The following GLYATL2 variants were observed in gnomAD, a reference collection of about 807,000 sequenced individuals.
GLYATL2 encodes the protein glycine N-acyltransferase-like protein 2.
Under a neutral mutation model 21.4 loss-of-function variants are expected in GLYATL2, and 25 were observed. The observed-to-expected ratio is 1.17, with a 90% CI of 0.85 to 1.63. The LOEUF (loss-of-function observed/expected upper bound fraction) is 1.63. Among genes scored for constraint, GLYATL2 ranks in the 40% most tolerant of loss-of-function variants. The pLI is 0.00. For missense variants in GLYATL2, 361 were observed against 343.3 expected (o/e 1.05, Z -0.41); for synonymous variants, 114 against 118.2 (o/e 0.96, Z 0.23).
At chr11:58,872,844 G>GCA (rs1854150870) in intron 1 of GLYATL2, among the ~76,000 whole-genome samples, 1 of 152,146 alleles carries the variant, frequency 6.6e-6, no homozygotes, top group African/African-American at 2.4e-5. Context: ...AGCTTGATAG[G>GCA]GATGGCATTG....
chr11:58,905,196 C>G (rs1482013697), upstream of GLYATL2, among the ~76,000 whole-genome samples: 2 of 152,248 alleles, frequency 1.3e-5, no homozygotes, highest in East Asian at 3.8e-4. Flanking sequence ...CAGTGCTGGC[C>G]CCTTCCTCGT....
Position 58,837,169 on chromosome 11 carries a change from C to A in GLYATL2, c.322G>T (p.Glu108Ter). The A allele has an allele frequency of 3.1e-6, 5 of 1,613,594 alleles. No homozygotes were observed. ...TTTCTTATTGCTTCATCCAAGCCCTCTTGGCAACCTGGAGAAAGGAGAAAG... is the reference window on the plus strand; with the variant it reads ...TTTCTTATTGCTTCATCCAAGCCCTATTGGCAACCTGGAGAAAGGAGAAAG... ...EQTLQIQGCQ[E>*]GLDEAIRKVA... The change falls in exon 5 of 6, where the codon GAG becomes TAG. Residue 108 changes from glutamate (E) to a stop codon, truncating the protein, a stop_gained. Transcript: ENST00000287275. LOFTEE classifies it high-confidence loss of function.
intron 1 of GLYATL2, among the ~76,000 whole-genome samples, chr11:58,875,452 G>A (rs1401732815): frequency 6.6e-6 from 1 of 152,124 alleles, no homozygotes; most frequent in Non-Finnish European, 1.5e-5. Context: ...CATGTTTAGT[G>A]CTTCCTTCAG....
intron 1 of GLYATL2, among the ~76,000 whole-genome samples, chr11:58,869,926 C>T (rs1026144715): frequency 4.6e-5 from 7 of 152,024 alleles, no homozygotes; most frequent in South Asian, 2.1e-4. Context: ...CAAAGACCCC[C>T]GCCTGCATCT....
At chr11:58,852,043 C>A (rs1853751252) in intron 1 of GLYATL2, among the ~76,000 whole-genome samples, 1 of 151,758 alleles carries the variant, frequency 6.6e-6, no homozygotes, top group Non-Finnish European at 1.5e-5. Context: ...AATTTTAATT[C>A]TTTGAATGGA....
At chr11:58,858,593 C>G (rs1404427303) in intron 1 of GLYATL2, among the ~76,000 whole-genome samples, 2 of 152,036 alleles carry the variant, frequency 1.3e-5, no homozygotes, top group African/African-American at 2.4e-5. Flanking sequence ...CAAGAATTCT[C>G]TAGTGATCTG....
intron 1 of GLYATL2, among the ~76,000 whole-genome samples, chr11:58,853,176 T>A (rs1853770851): frequency 6.6e-6 from 1 of 152,190 alleles, no homozygotes; most frequent in African/African-American, 2.4e-5. Flanking sequence ...CCCAAGATTG[T>A]TTGAAGGATT....
rs137869840 is a variant in GLYATL2 at position 58,872,829 on chromosome 11, T to C, written n.60+31327A>G. On this transcript the variant is annotated intron_variant and non_coding_transcript_variant, in intron 1 of 4. Transcript: ENST00000533636. The stretch of plus-strand genomic sequence containing the variant: ...TTTTCCAATTCTGTGAAGAAAGTCA[T>C]TGGTAGCTTGATAGGGATGGCATTG... Among the ~76,000 whole-genome samples the C allele has an allele frequency of 7.1e-3, 1,087 of 152,330 alleles. 26 individuals carry two copies. The highest frequency in any genetic ancestry group is 0.025 in the African/African-American group (1,029 of 41,580).
intron 1 of GLYATL2, among the ~76,000 whole-genome samples, chr11:58,855,605 T>C (rs1379221199): frequency 6.6e-6 from 1 of 152,234 alleles, no homozygotes; most frequent in Non-Finnish European, 1.5e-5. Context: ...TAAACTCTAA[T>C]GAGAAAGTCA....
chr11:58,834,863 T>C (rs1853400480), intron 5 of GLYATL2, 26 bp from the exon 6 acceptor site: 2 of 1,518,346 alleles, frequency 1.3e-6, no homozygotes, highest in East Asian at 4.5e-5. Context: ...ATTTTACATT[T>C]ATTCAGCCAA....
intron 1 of GLYATL2, among the ~76,000 whole-genome samples, chr11:58,883,610 G>C (rs1017921421): frequency 6.6e-6 from 1 of 152,136 alleles, no homozygotes; most frequent in African/African-American, 2.4e-5. Context: ...AGGACCAGCT[G>C]GATTCACAGC....
rs1244350583 is a variant in GLYATL2 at position 58,870,871 on chromosome 11, A to C, written n.61-32503T>G. ...TACAAGCATCCTTGAGAAGATACTC[A>C]GGAGCAAAGACTCTCAAAGTCTCTG... On this transcript the variant is annotated intron_variant and non_coding_transcript_variant, in intron 1 of 4. Coordinates refer to the GLYATL2 transcript ENST00000533636. Among the ~76,000 whole-genome samples the C allele has an allele frequency of 7.2e-5, 11 of 152,224 alleles. No individual in the cohort carries two copies. The East Asian group carries it at 2.1e-3, about 29-fold the overall frequency.
chr11:58,854,694 CAA>C (rs1160285014), intron 1 of GLYATL2, among the ~76,000 whole-genome samples: 2 of 4,616 alleles, frequency 4.3e-4, no homozygotes, highest in Non-Finnish European at 0.01. Flanking sequence ...TGTCTGAAAT[CAA>C]AATGCTATTT....
chr11:58,897,376 TATTTTTGTAATGATGTCCAAGGTCAC>T (rs1176315568), intron 1 of GLYATL2, among the ~76,000 whole-genome samples: 1 of 152,232 alleles, frequency 6.6e-6, no homozygotes, highest in African/African-American at 2.4e-5. Context: ...GAAATTTTTA[TATTTTTGTAATGATGTCCAAGGTCAC>T]CCCTGTGGAT....
At chr11:58,882,209 C>T (rs368618675) in intron 1 of GLYATL2, among the ~76,000 whole-genome samples, 25 of 152,252 alleles carry the variant, frequency 1.6e-4, no homozygotes, top group Admixed American at 6.5e-4. Flanking sequence ...AGTGTAAAAG[C>T]GTTCCTATTT....
intron 1 of GLYATL2, among the ~76,000 whole-genome samples, chr11:58,884,688 G>T (rs1854404705): frequency 6.6e-6 from 1 of 152,092 alleles, no homozygotes; most frequent in Non-Finnish European, 1.5e-5. Flanking sequence ...AGGGCATGGG[G>T]TTTGGAGCCA....
intron 1 of GLYATL2, among the ~76,000 whole-genome samples, chr11:58,852,669 T>G (rs1178888180): frequency 6.6e-6 from 1 of 152,226 alleles, no homozygotes; most frequent in Non-Finnish European, 1.5e-5. Context: ...TCAAGTGAGA[T>G]GTACAGACAA....
At chr11:58,903,408 C>T (rs995598751) in intron 1 of GLYATL2, among the ~76,000 whole-genome samples, 8 of 152,124 alleles carry the variant, frequency 5.3e-5, no homozygotes, top group African/African-American at 1.2e-4. Context: ...TGCAGTGGCT[C>T]ATATCTGTAA....
intron 1 of GLYATL2, chr11:58,893,055 T>C (rs2156351): frequency 0.93 from 352,852 of 380,334 alleles, 165,551 homozygotes; most frequent in Non-Finnish European, 0.98. Flanking sequence ...AAACTCCCAA[T>C]TTTAAATATG....
Sources: gnomAD v4.1 joint callset for allele counts (sites outside exome capture counted in the v4.1 genomes callset) on GRCh38, gnomAD v4.1.1 for gene constraint, MANE v1.5 for transcripts, NCBI Gene and HGNC (gene_info 2026-07-23, HGNC 2026-07-21) for gene names.